ZNF385D: variants seen among roughly 807,000 people sequenced by gnomAD.
ZNF385D encodes zinc finger protein 659.
ZNF385D carries 15 observed loss-of-function variants against 35.8 expected under a neutral mutation model. The observed-to-expected ratio is 0.42, with a 90% confidence interval of 0.28 to 0.64. ZNF385D has a LOEUF of 0.64. ZNF385D is among the 30% of genes least tolerant of loss of function. The probability of loss-of-function intolerance (pLI) is 0.23; values close to 1 mark genes in which losing one functional copy is unlikely to be tolerated. For synonymous variants in ZNF385D, 212 were observed against 186.8 expected, an observed-to-expected ratio of 1.13 and a Z score of -1.10; for missense variants, 474 against 494.6, an observed-to-expected ratio of 0.96 and a Z score of 0.39.
intron 2 of ZNF385D, among the ~76,000 whole-genome samples, chr3:22,364,622 A>G (rs1401878195): frequency 6.6e-6 from 1 of 152,146 alleles, no homozygotes; most frequent in Non-Finnish European, 1.5e-5. Context: ...ATGTGGAAAA[A>G]TTAGAAAACT....
At chr3:22,368,343 G>C (rs961259533) in intron 2 of ZNF385D, among the ~76,000 whole-genome samples, 36 of 152,266 alleles carry the variant, frequency 2.4e-4, no homozygotes, top group African/African-American at 8.4e-4. Context: ...GAATATGATT[G>C]AAACCACATT....
chr3:21,703,521 A>G (rs1370064971), intron 1 of ZNF385D, among the ~76,000 whole-genome samples: 1 of 152,146 alleles, frequency 6.6e-6, no homozygotes, highest in Non-Finnish European at 1.5e-5. Flanking sequence ...CAATCATTGT[A>G]AATAACCCCT....
chr3:22,086,284 G>A (rs1220329831), intron 3 of ZNF385D, among the ~76,000 whole-genome samples: 3 of 152,196 alleles, frequency 2.0e-5, no homozygotes, highest in Non-Finnish European at 4.4e-5. Context: ...CAGATGACAT[G>A]ATTGTATATT....
At chr3:22,288,770 T>C (rs1228551311) in intron 2 of ZNF385D, among the ~76,000 whole-genome samples, 5 of 152,110 alleles carry the variant, frequency 3.3e-5, no homozygotes, top group African/African-American at 9.7e-5. Context: ...ATATTTCCCT[T>C]TTTATTTTTA....
At chr3:21,767,565 C>G (rs780609582) in intron 3 of ZNF385D, among the ~76,000 whole-genome samples, 11 of 151,918 alleles carry the variant, frequency 7.2e-5, no homozygotes, top group Non-Finnish European at 1.2e-4. Flanking sequence ...CACTACATCT[C>G]CAGGATCTCG....
chr3:22,327,196 G>A (rs1694718289), intron 2 of ZNF385D, among the ~76,000 whole-genome samples: 1 of 151,844 alleles, frequency 6.6e-6, no homozygotes, highest in Admixed American at 6.6e-5. Context: ...ATTGAGGATG[G>A]GCCATAAAAA....
At chr3:21,626,456 T>G (rs146846173) in intron 2 of ZNF385D, among the ~76,000 whole-genome samples, 2 of 152,246 alleles carry the variant, frequency 1.3e-5, no homozygotes, top group African/African-American at 2.4e-5. Flanking sequence ...GAATGTCATC[T>G]CTTAAGATAA....
chr3:21,794,555 G>T lies in ZNF385D; in HGVS notation c.326-129527C>A, dbSNP rs534851470. ...CCAGATGCAAGGAGATTTGATATGCGGTGGGGGCTTGTTTCCTGGTTCATA... is the reference window on the plus strand; with the variant it reads ...CCAGATGCAAGGAGATTTGATATGCTGTGGGGGCTTGTTTCCTGGTTCATA... On this transcript the variant is annotated intron_variant, in intron 3 of 5. Transcript: ENST00000494108. Among the ~76,000 whole-genome samples, 5 of 152,236 alleles carry T rather than the reference G, an allele frequency of 3.3e-5. No homozygotes were observed. The South Asian group carries it at 8.3e-4, about 25-fold the overall frequency.
chr3:21,999,781 AAAAT>A (rs1220686274), intron 3 of ZNF385D, among the ~76,000 whole-genome samples: 3 of 124,696 alleles, frequency 2.4e-5, no homozygotes, highest in Non-Finnish European at 5.1e-5. Flanking sequence ...AAAAAAAAAA[AAAAT>A]AATAATAATG....
intron 3 of ZNF385D, among the ~76,000 whole-genome samples, chr3:21,904,212 G>A (rs1348304100): frequency 1.3e-5 from 2 of 148,436 alleles, no homozygotes; most frequent in Non-Finnish European, 3.0e-5. Flanking sequence ...GCTGAGGCAG[G>A]AGAATGGCTT....
chr3:22,109,353 G>A (rs1702389320), intron 3 of ZNF385D, among the ~76,000 whole-genome samples: 1 of 152,128 alleles, frequency 6.6e-6, no homozygotes, highest in Admixed American at 6.6e-5. Flanking sequence ...ATGTCACCTT[G>A]TACATGGACA....
At chr3:22,277,750 A>G (rs551506389) in intron 2 of ZNF385D, among the ~76,000 whole-genome samples, 2 of 152,228 alleles carry the variant, frequency 1.3e-5, no homozygotes, top group East Asian at 3.9e-4. Context: ...GGCAAATTTT[A>G]GATTCATAGC....
At chr3:22,316,613 T>C (rs1703902836) in intron 2 of ZNF385D, among the ~76,000 whole-genome samples, 1 of 152,208 alleles carries the variant, frequency 6.6e-6, no homozygotes, top group Non-Finnish European at 1.5e-5. Flanking sequence ...AGTCCCATTT[T>C]TGACACTTAA....
At chr3:21,682,427 A>G (rs2066946566) in intron 1 of ZNF385D, among the ~76,000 whole-genome samples, 1 of 150,250 alleles carries the variant, frequency 6.7e-6, no homozygotes, top group Non-Finnish European at 1.5e-5. Flanking sequence ...TTGCCTTCAA[A>G]TATTTAAAAA....
At chr3:21,642,590 G>A (rs1397779748) in intron 2 of ZNF385D, among the ~76,000 whole-genome samples, 1 of 152,068 alleles carries the variant, frequency 6.6e-6, no homozygotes. Context: ...AGAAAGCAGA[G>A]ACTTCTGAGT....
At chr3:21,707,675 G>A (rs78460305) in intron 1 of ZNF385D, among the ~76,000 whole-genome samples, 2,402 of 152,274 alleles carry the variant, frequency 0.016, 60 homozygotes, top group African/African-American at 0.053. Flanking sequence ...TTTGGAAAGG[G>A]CATGGTCAAT....
chr3:22,362,707 A>T (rs1193958050), intron 2 of ZNF385D, among the ~76,000 whole-genome samples: 1 of 152,070 alleles, frequency 6.6e-6, no homozygotes, highest in Non-Finnish European at 1.5e-5. Context: ...TACTGCATAG[A>T]TCATATTTAT....
At chr3:21,924,800 C>T (rs1700642793) in intron 3 of ZNF385D, among the ~76,000 whole-genome samples, 3 of 152,018 alleles carry the variant, frequency 2.0e-5, no homozygotes, top group African/African-American at 4.8e-5. Context: ...ACTCCCCCTC[C>T]CACACAAAAT....
At chr3:21,835,238 G>A (rs1355573719) in intron 3 of ZNF385D, among the ~76,000 whole-genome samples, 1 of 115,816 alleles carries the variant, frequency 8.6e-6, no homozygotes. Flanking sequence ...GTGAGGCTAT[G>A]TATAGTTTGC....
Sources: allele counts gnomAD v4.1 joint callset (sites outside exome capture counted in the v4.1 genomes callset), GRCh38; gene constraint gnomAD v4.1.1; transcripts MANE v1.5; gene names NCBI Gene and HGNC (gene_info 2026-07-23, HGNC 2026-07-21).